The following ETV6 variants were observed in gnomAD, a reference collection of about 807,000 sequenced individuals.
The protein encoded by ETV6 is transcription factor ETV6.
ETV6 carries 16 observed loss-of-function variants against 51.1 expected under a neutral mutation model. That is an observed-to-expected ratio of 0.31 (90% CI 0.21 to 0.48). The LOEUF (loss-of-function observed/expected upper bound fraction) is 0.48. ETV6 is among the 20% of genes least tolerant of loss of function. The pLI is 0.99. For synonymous variants in ETV6, 240 were observed against 224.1 expected, an observed-to-expected ratio of 1.07 and a Z score of -0.64; for missense variants, 458 against 594.8, an observed-to-expected ratio of 0.77 and a Z score of 2.39.
chr12:11,789,061 CTCACATTGTCGCCCG>C (rs1945535720), intron 2 of ETV6, among the ~76,000 whole-genome samples: 1 of 152,068 alleles, frequency 6.6e-6, no homozygotes, highest in African/African-American at 2.4e-5. Context: ...GAGACAGAGG[CTCACATTGTCGCCCG>C]GACTGGAGTG....
intron 2 of ETV6, among the ~76,000 whole-genome samples, chr12:11,810,292 G>A (rs970296363): frequency 1.3e-5 from 2 of 152,180 alleles, no homozygotes; most frequent in African/African-American, 2.4e-5. Flanking sequence ...CCAAGTAGAA[G>A]TCCAACTTGA....
chr12:11,888,238 T>C (rs1947228428), intron 7 of ETV6, among the ~76,000 whole-genome samples: 1 of 152,236 alleles, frequency 6.6e-6, no homozygotes, highest in African/African-American at 2.4e-5. Context: ...ACTTTTGCCT[T>C]TTTAATACCT....
intron 2 of ETV6, among the ~76,000 whole-genome samples, chr12:11,785,765 C>A (rs552368999): frequency 6.6e-6 from 1 of 152,306 alleles, no homozygotes; most frequent in South Asian, 2.1e-4. Flanking sequence ...GAGTTGATTT[C>A]TTGGCTCCTT....
intron 1 of ETV6, among the ~76,000 whole-genome samples, chr12:11,722,332 A>G (rs1165576511): frequency 5.5e-5 from 8 of 146,622 alleles, no homozygotes; most frequent in South Asian, 2.1e-4. Context: ...CAGGGAGGAG[A>G]AGAAGGAGGC....
chr12:11,850,510 TATA>T (rs775804318), intron 3 of ETV6, among the ~76,000 whole-genome samples: 2 of 152,222 alleles, frequency 1.3e-5, no homozygotes, highest in Admixed American at 6.5e-5. Context: ...CCCAAGCCAC[TATA>T]ATAATATCAG....
At chr12:11,851,172 C>G (rs1473713572) in intron 3 of ETV6, among the ~76,000 whole-genome samples, 5 of 152,024 alleles carry the variant, frequency 3.3e-5, no homozygotes, top group African/African-American at 9.7e-5. Context: ...TGAACACCCT[C>G]ACAGACACTA....
Position 11,891,600 on chromosome 12 carries a change from G to GA in ETV6, c.*565dup, listed in dbSNP as rs372555234. ...TTCCTGTTACTGTTGGGTCTTGGCT[G>GA]AAAAAAAAAAATGCTTTTAAAAAAG... On this transcript the variant is annotated 3_prime_UTR_variant, in exon 8 of 8. Coordinates refer to ENST00000396373, the MANE Select transcript of ETV6 (RefSeq NM_001987.5). 0.035 allele frequency: 15,016 copies of GA among 423,076 alleles called. 268 individuals are homozygous for GA. Among genetic ancestry groups the GA allele is most frequent in the African/African-American group, 0.12 (5,892 of 48,774 alleles). The allele number at this position is 423,076 out of a possible 1,614,324, so 26.2% of individuals were successfully genotyped here.
At chr12:11,682,728 C>A (rs1591605814) in intron 1 of ETV6, among the ~76,000 whole-genome samples, 1 of 152,040 alleles carries the variant, frequency 6.6e-6, no homozygotes, top group Non-Finnish European at 1.5e-5. Flanking sequence ...CATAAAAAGT[C>A]TTTAATCCAT....
intron 2 of ETV6, among the ~76,000 whole-genome samples, chr12:11,793,246 C>T (rs975333778): frequency 6.6e-6 from 1 of 152,208 alleles, no homozygotes; most frequent in African/African-American, 2.4e-5. Flanking sequence ...TTTATCCTCC[C>T]AAGAGCCCTT....
intron 5 of ETV6, among the ~76,000 whole-genome samples, chr12:11,876,926 AGG>A: frequency 6.6e-6 from 1 of 152,222 alleles, no homozygotes; most frequent in South Asian, 2.1e-4. Flanking sequence ...GAATCTTTAA[AGG>A]TAGCCTTTTG....
rs530030344 is a variant in ETV6 at position 11,757,767 on chromosome 12, C to G, written c.163+5188C>G. Among the ~76,000 whole-genome samples the G allele has an allele frequency of 2.6e-5, 4 of 152,338 alleles. 1 individual carries two copies. The South Asian group carries it at 6.2e-4, about 24-fold the overall frequency. ...GTCTGGGCAGCCACAGGTGCAGGGA[C>G]TGGGACCGGTGTGGTTCTAGTGATG... On this transcript the variant is annotated intron_variant, in intron 2 of 7. Transcript: ENST00000396373.
intron 1 of ETV6, among the ~76,000 whole-genome samples, chr12:11,684,120 T>G (rs1465373187): frequency 6.6e-6 from 1 of 152,194 alleles, no homozygotes; most frequent in Non-Finnish European, 1.5e-5. Flanking sequence ...TGTAAGGAAT[T>G]TCAGGAACAA....
chr12:11,810,980 C>T (rs1276616219), intron 2 of ETV6, among the ~76,000 whole-genome samples: 1 of 152,020 alleles, frequency 6.6e-6, no homozygotes, highest in Admixed American at 6.6e-5. Context: ...AATTTTTAAA[C>T]ACCTCCAATG....
intron 2 of ETV6, among the ~76,000 whole-genome samples, chr12:11,827,120 C>T (rs1164332369): frequency 2.8e-5 from 4 of 144,082 alleles, no homozygotes; most frequent in Admixed American, 7.0e-5. Context: ...ACAAATGCAA[C>T]ACAATTATCT....
chr12:11,715,950 G>A (rs908921372), intron 1 of ETV6, among the ~76,000 whole-genome samples: 7 of 152,208 alleles, frequency 4.6e-5, no homozygotes, highest in African/African-American at 1.2e-4. Context: ...GAAGAACAGC[G>A]TCTTTGACCT....
At chr12:11,679,980 T>C (rs73063054) in intron 1 of ETV6, among the ~76,000 whole-genome samples, 4,402 of 152,340 alleles carry the variant, frequency 0.029, 76 homozygotes, top group Middle Eastern at 0.044. Flanking sequence ...TGGCTGGGAA[T>C]TGGGACTAAC....
chr12:11,879,004 A>C (rs1329999512), intron 5 of ETV6, among the ~76,000 whole-genome samples: 1 of 152,074 alleles, frequency 6.6e-6, no homozygotes, highest in African/African-American at 2.4e-5. Context: ...TGCTAGGAGC[A>C]CCCTGCACCC....
intron 2 of ETV6, among the ~76,000 whole-genome samples, chr12:11,763,114 G>A (rs920165666): frequency 6.6e-6 from 1 of 152,090 alleles, no homozygotes; most frequent in Admixed American, 6.5e-5. Flanking sequence ...GAACAAAGTC[G>A]GGGAGAAAAT....
At chr12:11,681,983 G>T (rs1010920403) in intron 1 of ETV6, among the ~76,000 whole-genome samples, 1 of 152,084 alleles carries the variant, frequency 6.6e-6, no homozygotes, top group Non-Finnish European at 1.5e-5. Flanking sequence ...TGAACATTTG[G>T]GTTGGTTCCA....
Sources: gnomAD v4.1 joint callset for allele counts (sites outside exome capture counted in the v4.1 genomes callset) on GRCh38, gnomAD v4.1.1 for gene constraint, MANE v1.5 for transcripts, NCBI Gene and HGNC (gene_info 2026-07-23, HGNC 2026-07-21) for gene names.